The following SYCP2 variants were observed in gnomAD, a reference collection of about 807,000 sequenced individuals.
SYCP2 encodes synaptonemal complex protein 2, also known as synaptonemal complex lateral element protein.
SYCP2 carries 55 observed loss-of-function variants against 211.3 expected under a neutral mutation model. The ratio of observed to expected loss-of-function variants is 0.26; its 90% confidence interval spans 0.21 to 0.33. The LOEUF (loss-of-function observed/expected upper bound fraction) is 0.33. Among genes scored for constraint, SYCP2 ranks in the 10% least tolerant of loss-of-function variants. The probability of loss-of-function intolerance (pLI) is 1.00; values close to 1 mark genes in which losing one functional copy is unlikely to be tolerated. For synonymous variants in SYCP2, 570 were observed against 555.2 expected (o/e 1.03, Z -0.37); for missense variants, 1,731 against 1,752.0 (o/e 0.99, Z 0.21).
At chr20:59,896,066 C>T (rs1037895704) in intron 19 of SYCP2, among the ~76,000 whole-genome samples, 39 of 151,650 alleles carry the variant, frequency 2.6e-4, no homozygotes, top group African/African-American at 8.5e-4. Context: ...TTAAGTGCCA[C>T]TTATAGAAAA....
chr20:59,877,777 T>C (rs558514388), intron 32 of SYCP2, among the ~76,000 whole-genome samples: 2 of 152,246 alleles, frequency 1.3e-5, no homozygotes, highest in South Asian at 2.1e-4. Context: ...GCCTGATATA[T>C]ACTATCTAAC....
At position 59,881,027 on chromosome 20, in the gene SYCP2, A is replaced by G; in HGVS notation, c.2715-4T>C. On this transcript the variant is annotated splice_region_variant and splice_polypyrimidine_tract_variant and intron_variant, in intron 29 of 44. Transcript: ENST00000357552. ...ATCATGATTCCTTGGACCTACCCTT[A>G]AACAAAAATATGTATTAATTAAAAA... 1 of 1,465,752 alleles carries G rather than the reference A, an allele frequency of 6.8e-7. No individual in the cohort carries two copies. Among genetic ancestry groups the G allele is most frequent in the Middle Eastern group, 1.8e-4 (1 of 5,676 alleles). 90.8% of individuals were successfully genotyped at this position (1,465,752 alleles called of 1,614,324 possible).
chr20:59,896,127 T>C (rs2060002883), intron 19 of SYCP2, among the ~76,000 whole-genome samples: 1 of 152,062 alleles, frequency 6.6e-6, no homozygotes, highest in Admixed American at 6.6e-5. Context: ...AGTACACAGC[T>C]GGAAGTGGGG....
In SYCP2 at chr20:59,893,581, C is replaced by T. The variant is rs149165364; in HGVS notation, c.1678G>A (p.Ala560Thr). 136 of 1,608,214 alleles carry T rather than the reference C, an allele frequency of 8.5e-5. No homozygotes were observed. The African/African-American group carries it at 1.7e-3, about 20-fold the overall frequency. The change falls in exon 21 of 45, where the codon GCT becomes ACT. Residue 560 changes from alanine to threonine, a missense_variant. Ala to Thr is a moderately conservative substitution (Grantham distance 58). This residue lies in a region of SYCP2 where 1,387 missense variants were observed against 1,351.3 expected (regional missense o/e 1.03). Transcript: ENST00000357552. ...RDNIDKHIKT[A>T]KCVENTENKN... ...TTTTCTGTGTTTTCTACACACTTAG[C>T]AGTTTTGATATGCTGTAAACACAGG...
At chr20:59,905,452 A>T (rs1179963307) in intron 15 of SYCP2, among the ~76,000 whole-genome samples, 1 of 152,186 alleles carries the variant, frequency 6.6e-6, no homozygotes, top group East Asian at 1.9e-4. Flanking sequence ...CTACTGATAC[A>T]TGCAACATGC....
intron 26 of SYCP2, among the ~76,000 whole-genome samples, chr20:59,884,001 T>TA (rs964481478): frequency 8.6e-5 from 13 of 152,002 alleles, no homozygotes; most frequent in African/African-American, 1.2e-4. Context: ...ATACATACAA[T>TA]AAAAAAACAC....
chr20:59,925,790 G>A (rs527399512), intron 2 of SYCP2, among the ~76,000 whole-genome samples: 14 of 152,112 alleles, frequency 9.2e-5, no homozygotes, highest in African/African-American at 2.7e-4. Flanking sequence ...GCTCCCAAAT[G>A]CATGTAGGTA....
chr20:59,878,405 A>G (rs956383090), intron 31 of SYCP2, among the ~76,000 whole-genome samples: 10 of 152,156 alleles, frequency 6.6e-5, no homozygotes, highest in African/African-American at 2.4e-4. Flanking sequence ...CTTTTACTGT[A>G]AAGTGTTTCT....
At chr20:59,895,648 T>TTA (rs2059994445) in intron 19 of SYCP2, 51 bp from the exon 20 acceptor site, 1 of 1,586,854 alleles carries the variant, frequency 6.3e-7, no homozygotes, top group African/African-American at 1.4e-5. Flanking sequence ...CCTATTGCTA[T>TTA]TATTGAGGTA....
Position 59,864,337 on chromosome 20 carries a change from A to T in SYCP2, c.4567T>A (p.Ser1523Thr). Reference protein sequence around the residue: ...VRRELMSVFMSHERNANV With the variant: ...VRRELMSVFMTHERNANV ...CACACATTAGCATTTCTTTCATGAG[A>T]CATGAATACTGACATCAGTTCTCTG... Residue 1523 changes from serine (S) to threonine (T), a missense_variant, in exon 45 of 45, where the codon TCT becomes ACT. This residue lies in a region of SYCP2 where 1,387 missense variants were observed against 1,351.3 expected (regional missense o/e 1.03). Transcript: ENST00000357552. 1 of 1,605,998 alleles carries T rather than the reference A, an allele frequency of 6.2e-7. No homozygotes were observed. The highest frequency in any genetic ancestry group is 8.5e-7 in the Non-Finnish European group (1 of 1,175,826).
chr20:59,871,787 T>C (rs1391419919), intron 35 of SYCP2, among the ~76,000 whole-genome samples: 1 of 151,918 alleles, frequency 6.6e-6, no homozygotes, highest in Non-Finnish European at 1.5e-5. Context: ...TACTCTTAAA[T>C]AGTTGTTATA....
At chr20:59,908,240 C>G (rs145914791) in intron 14 of SYCP2, among the ~76,000 whole-genome samples, 81 of 152,164 alleles carry the variant, frequency 5.3e-4, no homozygotes, top group African/African-American at 1.9e-3. Flanking sequence ...CAGAGGGAGA[C>G]TCCATCTCAA....
intron 26 of SYCP2, among the ~76,000 whole-genome samples, chr20:59,884,417 T>C (rs2059746514): frequency 6.6e-6 from 1 of 152,028 alleles, no homozygotes; most frequent in Non-Finnish European, 1.5e-5. Context: ...ATTTAATAAA[T>C]TAATTGTAAT....
At chr20:59,877,304 T>A (rs577098446) in intron 33 of SYCP2, 81 bp downstream of exon 33, 1 of 990,052 alleles carries the variant, frequency 1.0e-6, no homozygotes, top group Admixed American at 3.6e-5. Context: ...AGTAACAGGA[T>A]AAATTTGACA....
In SYCP2 at chr20:59,905,576, CA is replaced by C. The variant is rs373193717; in HGVS notation, c.1033+1787del. ...GAAAATGTAAATGTATCAAAGAAAA[CA>C]TCAGTAATTGCCTGGGGGTAGAGTA... On this transcript the variant is annotated intron_variant, in intron 15 of 44. Transcript: ENST00000357552. Among the ~76,000 whole-genome samples, 333 of 152,132 alleles carry C rather than the reference CA, an allele frequency of 2.2e-3. 1 individual carries two copies. The highest frequency in any genetic ancestry group is 7.6e-3 in the African/African-American group (317 of 41,518).
intron 2 of SYCP2, among the ~76,000 whole-genome samples, chr20:59,928,773 CATT>C (rs1257818557): frequency 6.6e-6 from 1 of 151,932 alleles, no homozygotes; most frequent in Admixed American, 6.6e-5. Flanking sequence ...GAAAAAATAA[CATT>C]AGAAATCTAT....
chr20:59,892,490 T>C (rs2059926118), intron 23 of SYCP2, 64 bp from the exon 24 acceptor site: 2 of 1,502,346 alleles, frequency 1.3e-6, no homozygotes, highest in Non-Finnish European at 1.8e-6. Context: ...TAAAATTTGT[T>C]AAATTTGTTT....
rs771906123 is a variant in SYCP2 at position 59,874,015 on chromosome 20, G to A, written c.3396C>T (p.Cys1132=). The change falls in exon 35 of 45, where the codon TGC becomes TGT. Residue 1132 remains cysteine, a synonymous_variant. Coordinates refer to ENST00000357552, the MANE Select transcript of SYCP2 (RefSeq NM_014258.4). The stretch of plus-strand genomic sequence containing the variant: ...GATAAGGTGATATAGATTTTGTTAT[G>A]CAGTCATAATCCTGAGTAAAATCCT... ...TEKDFTQDYD[C]ITKSISPYPK... The A allele has an allele frequency of 2.2e-5, 35 of 1,611,630 alleles. No individual in the cohort carries two copies. Among genetic ancestry groups the A allele is most frequent in the Non-Finnish European group, 3.0e-5 (35 of 1,178,544 alleles).
intron 26 of SYCP2, among the ~76,000 whole-genome samples, chr20:59,883,080 G>A (rs2059716353): frequency 6.6e-6 from 1 of 152,108 alleles, no homozygotes; most frequent in Non-Finnish European, 1.5e-5. Flanking sequence ...TGGGCACAGT[G>A]GCTTACACCT....
Sources: gnomAD v4.1 joint callset for allele counts (sites outside exome capture counted in the v4.1 genomes callset) on GRCh38, gnomAD v4.1.1 for gene constraint, gnomAD v4.1.1 regional missense constraint, MANE v1.5 for transcripts, NCBI Gene and HGNC (gene_info 2026-07-23, HGNC 2026-07-21) for gene names.